Variants in OSBP2 observed in about 807,000 individuals in gnomAD.
OSBP2 encodes the protein oxysterol binding protein 2.
A neutral mutation model predicts 96.0 loss-of-function variants in OSBP2; 66 were observed. That is an observed-to-expected ratio of 0.69 (90% CI 0.56 to 0.84). The LOEUF (loss-of-function observed/expected upper bound fraction) is 0.84. OSBP2 is among the 40% of genes least tolerant of loss of function. OSBP2 has a pLI of 0.00. For missense variants in OSBP2, 1,038 were observed against 1,222.7 expected, an observed-to-expected ratio of 0.85 and a Z score of 2.25; for synonymous variants, 525 against 520.9, an observed-to-expected ratio of 1.01 and a Z score of -0.11.
intron 3 of OSBP2, among the ~76,000 whole-genome samples, chr22:30,883,800 G>A (rs978182510): frequency 3.3e-5 from 5 of 151,792 alleles, no homozygotes; most frequent in African/African-American, 9.7e-5. Flanking sequence ...CTCCGCCACC[G>A]CCCTTACACC....
At chr22:30,798,012 C>T (rs2090789135) in intron 2 of OSBP2, among the ~76,000 whole-genome samples, 2 of 152,196 alleles carry the variant, frequency 1.3e-5, no homozygotes, top group African/African-American at 4.8e-5. Flanking sequence ...AACCTCCACC[C>T]TATTTTCCAC....
chr22:30,816,568 G>A (rs757736752), intron 2 of OSBP2, among the ~76,000 whole-genome samples: 10 of 152,196 alleles, frequency 6.6e-5, no homozygotes, highest in Non-Finnish European at 1.2e-4. Context: ...GTGCAACCCC[G>A]TGCTGGCTCC....
intron 2 of OSBP2, among the ~76,000 whole-genome samples, chr22:30,798,698 G>T (rs1309099329): frequency 1.3e-5 from 2 of 152,122 alleles, no homozygotes; most frequent in Non-Finnish European, 2.9e-5. Context: ...CCTACTGAAT[G>T]GTCTTGGCAC....
chr22:30,703,024 T>G (rs1017559217), intron 1 of OSBP2, among the ~76,000 whole-genome samples: 1 of 152,230 alleles, frequency 6.6e-6, no homozygotes, highest in Admixed American at 6.5e-5. Flanking sequence ...AAAAACTTGT[T>G]TGCTGCAATA....
intron 2 of OSBP2, among the ~76,000 whole-genome samples, chr22:30,810,698 G>A (rs117818210): frequency 0.066 from 10,083 of 152,214 alleles, 480 homozygotes; most frequent in Non-Finnish European, 0.095. Flanking sequence ...ACCATGGGCG[G>A]CTCTGCTCCT....
intron 2 of OSBP2, among the ~76,000 whole-genome samples, chr22:30,823,710 G>A (rs1294087484): frequency 1.3e-5 from 2 of 152,216 alleles, no homozygotes; most frequent in African/African-American, 4.8e-5. Context: ...AGGTCTTAGG[G>A]TGTGTGCAGT....
Position 30,836,162 on chromosome 22 carries a change from C to G in OSBP2, c.854-34267C>G, listed in dbSNP as rs577252888. On this transcript the variant is annotated intron_variant, in intron 2 of 13. Transcript: ENST00000332585. ...CTTGGGTCTGTTTGGGGTGCTCGCT[C>G]TCATTTCACAGAACAATTTTTTCCC... Among the ~76,000 whole-genome samples the G allele has an allele frequency of 1.8e-4, 27 of 152,340 alleles. No homozygotes were observed. The South Asian group carries it at 5.6e-3, about 32-fold the overall frequency.
Position 30,906,529 on chromosome 22 carries a change from T to TTC in OSBP2, c.*195_*196dup. 4.7e-6 allele frequency: 3 copies of TTC among 643,462 alleles called. No homozygotes were observed. In the South Asian group the frequency reaches 8.7e-5, roughly 19 times the overall value. 39.9% of individuals were successfully genotyped at this position (643,462 alleles called of 1,614,324 possible). A position where few individuals can be genotyped will look rare whatever the true frequency, so the allele number is the denominator to read the frequency against. ...TGGAAGGAGGAAGGGCTGACCTGGG[T>TTC]TCTCTCCAGCCCCCAGGTGCGCCGG... On this transcript the variant is annotated 3_prime_UTR_variant, in exon 14 of 14. Transcript: ENST00000332585.
chr22:30,808,206 A>G (rs533023280), intron 2 of OSBP2, among the ~76,000 whole-genome samples: 1 of 152,276 alleles, frequency 6.6e-6, no homozygotes, highest in East Asian at 1.9e-4. Context: ...AAGTCCCCCC[A>G]AAAGATATGT....
rs777786798 is a variant in OSBP2, at chr22:30,887,577, C to T, written c.1259C>T (p.Ala420Val). 3.7e-6 allele frequency: 6 copies of T among 1,611,810 alleles called. No homozygotes were observed. The South Asian group carries it at 6.6e-5, about 18-fold the overall frequency. The change falls in exon 4 of 14, where the codon GCC (alanine) becomes GTC (valine). Residue 420 changes from alanine (A) to valine (V), a missense_variant. Ala to Val is a moderately conservative substitution (Grantham distance 64). This residue lies in a region of OSBP2 where 737 missense variants were observed against 913.3 expected (regional missense o/e 0.81). Transcript: ENST00000332585. Reference sequence around the variant, plus strand: ...AGCCTCGAGCGGGCCTTCCACAGTGCCCCTGGCCGGCCGGCCAACCCCTCC... The same window carrying T: ...AGCCTCGAGCGGGCCTTCCACAGTGTCCCTGGCCGGCCGGCCAACCCCTCC... ...HNSLERAFHSAPGRPANPSKS... is the reference protein window; with the variant it reads ...HNSLERAFHSVPGRPANPSKS...
At chr22:30,709,561 G>A (rs1016904919) in intron 1 of OSBP2, among the ~76,000 whole-genome samples, 1 of 151,880 alleles carries the variant, frequency 6.6e-6, no homozygotes, top group African/African-American at 2.4e-5. Context: ...CTGTCTCCAG[G>A]CTGGAGTGCA....
chr22:30,805,898 C>T (rs1307893761), intron 2 of OSBP2, among the ~76,000 whole-genome samples: 1 of 152,194 alleles, frequency 6.6e-6, no homozygotes, highest in African/African-American at 2.4e-5. Flanking sequence ...AAACCCCTTC[C>T]AAGAAAGGTT....
At position 30,789,034 on chromosome 22, in the gene OSBP2, T is replaced by G. The variant is rs558966524; in HGVS notation, c.853+47665T>G. 3.9e-5 allele frequency among the ~76,000 whole-genome samples: 6 copies of G among 152,284 alleles called. 1 individual carries two copies. The South Asian group carries it at 1.2e-3, about 32-fold the overall frequency. ...GGCCAAACAATTTATTTTTAATAGC[T>G]TTGGAGAAATCTACATGTGATGACA... On this transcript the variant is annotated intron_variant, in intron 2 of 13. Transcript: ENST00000332585.
At chr22:30,805,503 C>A (rs1436231467) in intron 2 of OSBP2, among the ~76,000 whole-genome samples, 5 of 152,196 alleles carry the variant, frequency 3.3e-5, no homozygotes, top group Admixed American at 6.5e-5. Context: ...CCTCTATAAG[C>A]CTCTGTTTTA....
rs528367799 is a variant in OSBP2, at chr22:30,815,715, G to C, written c.854-54714G>C. On this transcript the variant is annotated intron_variant, in intron 2 of 13. Coordinates refer to ENST00000332585, the MANE Select transcript of OSBP2 (RefSeq NM_030758.4). ...TTTTCACCCCACATTATAGCTAACA[G>C]TTTCTATCTTTCTCTTTTTTCTTTT... 9.2e-5 allele frequency among the ~76,000 whole-genome samples: 14 copies of C among 152,190 alleles called. No individual in the cohort carries two copies. The South Asian group carries it at 2.9e-3, about 32-fold the overall frequency.
At chr22:30,752,129 C>T (rs1436640889) in intron 2 of OSBP2, among the ~76,000 whole-genome samples, 2 of 152,094 alleles carry the variant, frequency 1.3e-5, no homozygotes, top group Non-Finnish European at 2.9e-5. Flanking sequence ...CACCCAGCCA[C>T]CTCTGCTCAC....
At chr22:30,847,203 C>G (rs997807518) in intron 2 of OSBP2, among the ~76,000 whole-genome samples, 11 of 151,994 alleles carry the variant, frequency 7.2e-5, no homozygotes, top group African/African-American at 2.7e-4. Flanking sequence ...GTCTCAAACT[C>G]CTGAACTCAG....
intron 12 of OSBP2, among the ~76,000 whole-genome samples, chr22:30,903,579 G>A (rs1244016390): frequency 6.6e-6 from 1 of 152,242 alleles, no homozygotes; most frequent in Non-Finnish European, 1.5e-5. Context: ...TTTCGAGGCT[G>A]TGTCCCAATG....
intron 2 of OSBP2, among the ~76,000 whole-genome samples, chr22:30,787,840 G>T (rs576418141): frequency 3.9e-4 from 60 of 152,302 alleles, no homozygotes; most frequent in Middle Eastern, 3.4e-3. Flanking sequence ...AGTATCAAAA[G>T]AACCTTGGAG....
Sources: allele counts gnomAD v4.1 joint callset (sites outside exome capture counted in the v4.1 genomes callset), GRCh38; gene constraint gnomAD v4.1.1; regional missense constraint gnomAD v4.1.1; transcripts MANE v1.5; gene names NCBI Gene and HGNC (gene_info 2026-07-23, HGNC 2026-07-21).